The following FAM219A variants were observed in gnomAD, a reference collection of about 807,000 sequenced individuals.
The protein encoded by FAM219A is protein FAM219A.
Under a neutral mutation model 23.4 loss-of-function variants are expected in FAM219A, and 7 were observed. The ratio of observed to expected loss-of-function variants is 0.30; its 90% CI spans 0.17 to 0.56. The LOEUF (loss-of-function observed/expected upper bound fraction) is 0.56. Among genes scored for constraint, FAM219A ranks in the 20% least tolerant of loss-of-function variants. The pLI, the probability that FAM219A is intolerant of heterozygous loss-of-function variation, is 0.92. For missense variants in FAM219A, 166 were observed against 246.9 expected, an observed-to-expected ratio of 0.67 and a Z score of 2.20; for synonymous variants, 93 against 99.0, an observed-to-expected ratio of 0.94 and a Z score of 0.36.
At position 34,398,349 on chromosome 9, in the gene FAM219A, G is replaced by T. The variant is rs1249307409; in HGVS notation, c.*2615C>A. On this transcript the variant is annotated 3_prime_UTR_variant, in exon 6 of 6. Coordinates refer to ENST00000651358, the MANE Select transcript of FAM219A (RefSeq NM_001184940.2). ...AGTGAGCACGGAGAAACCTGGCTGG[G>T]TGGCAGCCACAGCTGAGAGAGGAGG... 1 of 1,550,548 alleles carries T rather than the reference G, an allele frequency of 6.4e-7. No homozygotes were observed. The highest frequency in any genetic ancestry group is 2.0e-5 in the Admixed American group (1 of 50,986).
chr9:34,432,379 G>A (rs1303676964), intron 1 of FAM219A, among the ~76,000 whole-genome samples: 2 of 152,164 alleles, frequency 1.3e-5, no homozygotes, highest in East Asian at 3.9e-4. Context: ...CTGAGCTCCT[G>A]GTTAAAAGCC....
At chr9:34,414,634 T>A (rs1821935169) in intron 1 of FAM219A, among the ~76,000 whole-genome samples, 1 of 152,224 alleles carries the variant, frequency 6.6e-6, no homozygotes, top group Non-Finnish European at 1.5e-5. Context: ...TGGAAGAGAA[T>A]CAGGGAAACA....
intron 1 of FAM219A, among the ~76,000 whole-genome samples, chr9:34,445,644 T>C (rs1007012269): frequency 2.0e-5 from 3 of 152,080 alleles, no homozygotes; most frequent in Non-Finnish European, 4.4e-5. Flanking sequence ...CTAGTGTAGA[T>C]GCCTCAAAAG....
At chr9:34,407,076 C>T (rs1821663634) in intron 1 of FAM219A, among the ~76,000 whole-genome samples, 1 of 152,112 alleles carries the variant, frequency 6.6e-6, no homozygotes, top group African/African-American at 2.4e-5. Flanking sequence ...GCTAGGATTA[C>T]AGGCATGAGC....
At chr9:34,406,413 GT>G (rs1351117448) in intron 1 of FAM219A, 77 of 985,264 alleles carry the variant, frequency 7.8e-5, no homozygotes, top group Non-Finnish European at 8.6e-5. Flanking sequence ...TTCTCCCTCT[GT>G]TTCCCTGTGC....
At chr9:34,448,149 G>A (rs1001976504) in intron 1 of FAM219A, among the ~76,000 whole-genome samples, 3 of 152,154 alleles carry the variant, frequency 2.0e-5, no homozygotes, top group African/African-American at 7.2e-5. Context: ...GGGATTACAG[G>A]CATGAGCCAC....
At chr9:34,422,721 G>A (rs886261568) in intron 1 of FAM219A, among the ~76,000 whole-genome samples, 6 of 152,186 alleles carry the variant, frequency 3.9e-5, no homozygotes, top group South Asian at 2.1e-4. Flanking sequence ...AAGAAAATGC[G>A]TTGGAAACTG....
intron 1 of FAM219A, among the ~76,000 whole-genome samples, chr9:34,420,458 G>A (rs1822222067): frequency 6.6e-6 from 1 of 152,156 alleles, no homozygotes; most frequent in South Asian, 2.1e-4. Context: ...TGGGGGCTAG[G>A]ACTCTACTTT....
At chr9:34,403,967 C>A (rs1588030605) in intron 2 of FAM219A, among the ~76,000 whole-genome samples, 1 of 152,186 alleles carries the variant, frequency 6.6e-6, no homozygotes, top group African/African-American at 2.4e-5. Context: ...GCCATTACCA[C>A]TCCAGGCCTC....
At chr9:34,402,118 A>G in intron 4 of FAM219A, 4 of 1,429,056 alleles carry the variant, frequency 2.8e-6, no homozygotes, top group Non-Finnish European at 3.7e-6. Context: ...CAGAGACAAC[A>G]TCACAGGCCA....
At chr9:34,446,028 C>T (rs1823356544) in intron 1 of FAM219A, among the ~76,000 whole-genome samples, 1 of 152,038 alleles carries the variant, frequency 6.6e-6, no homozygotes, top group Non-Finnish European at 1.5e-5. Context: ...CAAAAATTAG[C>T]TGGGTGTGGT....
At position 34,436,498 on chromosome 9, in the gene FAM219A, G is replaced by A. The variant is rs1048741282; in HGVS notation, c.60+21706C>T. Among the ~76,000 whole-genome samples the A allele has an allele frequency of 9.2e-5, 14 of 152,166 alleles. No individual in the cohort carries two copies. The South Asian group carries it at 1.9e-3, about 20-fold the overall frequency. On this transcript the variant is annotated intron_variant, in intron 1 of 5. Coordinates refer to ENST00000651358, the MANE Select transcript of FAM219A (RefSeq NM_001184940.2). Reference sequence around the variant, plus strand: ...TGGGTTCAAGCAATCCTCCCACCTCGGCCTCCCAAAGTGCTGGGATTATAG... The same window carrying A: ...TGGGTTCAAGCAATCCTCCCACCTCAGCCTCCCAAAGTGCTGGGATTATAG...
intron 1 of FAM219A, among the ~76,000 whole-genome samples, chr9:34,411,475 G>A (rs1426452696): frequency 6.6e-6 from 1 of 151,752 alleles, no homozygotes; most frequent in African/African-American, 2.4e-5. Flanking sequence ...GGATCACGAG[G>A]TCAGGAGATC....
intron 1 of FAM219A, among the ~76,000 whole-genome samples, chr9:34,441,427 C>A (rs757957462): frequency 2.8e-4 from 43 of 152,172 alleles, no homozygotes; most frequent in Non-Finnish European, 5.0e-4. Context: ...TAAGGACCCT[C>A]CTCTCAGAGA....
chr9:34,431,586 A>G (rs1453324721), intron 1 of FAM219A, among the ~76,000 whole-genome samples: 1 of 152,186 alleles, frequency 6.6e-6, no homozygotes. Context: ...TAAATCCAAG[A>G]GGAGAGAGCT....
At chr9:34,425,642 C>G (rs1165934693) in intron 1 of FAM219A, among the ~76,000 whole-genome samples, 1 of 152,186 alleles carries the variant, frequency 6.6e-6, no homozygotes, top group Non-Finnish European at 1.5e-5. Context: ...CCTTGTTCTT[C>G]TGTCTCCTGC....
Position 34,458,062 on chromosome 9 carries a change from C to G in FAM219A, c.60+142G>C. 1.3e-6 allele frequency: 1 copy of G among 760,232 alleles called. No homozygotes were observed. Among genetic ancestry groups the G allele is most frequent in the Non-Finnish European group, 1.9e-6 (1 of 519,198 alleles). 47.1% of individuals were successfully genotyped at this position (760,232 alleles called of 1,614,324 possible). A position where few individuals can be genotyped will look rare whatever the true frequency, so the allele number is the denominator to read the frequency against. On this transcript the variant is annotated intron_variant, in intron 1 of 5. Transcript: ENST00000651358. The surrounding 1 kb of genome is among the most constrained non-coding windows in gnomAD (Gnocchi z 6.6). Reference sequence around the variant, plus strand: ...ACGGTTTTCTTGTCCTGCAAGTCCCCGTCCCCCGGCAATACGTTTTCAGGG... The same window carrying G: ...ACGGTTTTCTTGTCCTGCAAGTCCCGGTCCCCCGGCAATACGTTTTCAGGG...
intron 1 of FAM219A, among the ~76,000 whole-genome samples, chr9:34,456,478 G>T (rs1183449170): frequency 1.3e-5 from 2 of 152,148 alleles, no homozygotes; most frequent in Non-Finnish European, 2.9e-5. Flanking sequence ...ACCCCAGATG[G>T]GTGACAAGAA....
At chr9:34,432,182 T>C (rs542600370) in intron 1 of FAM219A, among the ~76,000 whole-genome samples, 192 of 152,336 alleles carry the variant, frequency 1.3e-3, no homozygotes, top group African/African-American at 4.4e-3. Flanking sequence ...GTTCTGGCCA[T>C]CACTTTCTGC....
Sources: gnomAD v4.1 joint callset for allele counts (sites outside exome capture counted in the v4.1 genomes callset) on GRCh38, gnomAD v4.1.1 for gene constraint, Gnocchi (gnomAD v3.1) non-coding constraint, MANE v1.5 for transcripts, NCBI Gene and HGNC (gene_info 2026-07-23, HGNC 2026-07-21) for gene names.